Variants in TMIGD3 observed in about 807,000 individuals in gnomAD.
TMIGD3 encodes transmembrane and immunoglobulin domain containing 3, also known as AD026 protein (AD026).
In TMIGD3, 21 loss-of-function variants were observed where a neutral mutation model predicts 28.1. The ratio of observed to expected loss-of-function variants is 0.75; its 90% CI spans 0.53 to 1.08. The LOEUF (loss-of-function observed/expected upper bound fraction) is 1.08. Ranked by LOEUF, TMIGD3 falls within the 50% of genes least tolerant of loss-of-function variation. TMIGD3 has a pLI of 0.00. For synonymous variants in TMIGD3, 151 were observed against 162.1 expected (o/e 0.93, Z 0.52); for missense variants, 416 against 435.6 (o/e 0.96, Z 0.40).
At chr1:111,513,927 C>A (rs1173490683) in intron 1 of TMIGD3, among the ~76,000 whole-genome samples, 1 of 152,144 alleles carries the variant, frequency 6.6e-6, no homozygotes, top group Non-Finnish European at 1.5e-5. Context: ...AGTTGGGGTG[C>A]GGTTGCATGG....
intron 1 of TMIGD3, among the ~76,000 whole-genome samples, chr1:111,520,110 A>G (rs1426877639): frequency 6.6e-6 from 1 of 152,216 alleles, no homozygotes; most frequent in East Asian, 1.9e-4. Flanking sequence ...TCTTCAATGC[A>G]CAGTCAAAAA....
At chr1:111,549,514 G>T (rs561809135) in intron 1 of TMIGD3, among the ~76,000 whole-genome samples, 1 of 151,856 alleles carries the variant, frequency 6.6e-6, no homozygotes, top group East Asian at 1.9e-4. Flanking sequence ...ACCTGGTGTG[G>T]TGGCATGCGC....
At chr1:111,546,861 T>C (rs148286283) in intron 1 of TMIGD3, among the ~76,000 whole-genome samples, 1 of 152,218 alleles carries the variant, frequency 6.6e-6, no homozygotes, top group Non-Finnish European at 1.5e-5. Flanking sequence ...GTTTTCACAG[T>C]GGCTGCACCA....
chr1:111,511,172 C>T (rs1386971903), intron 1 of TMIGD3, among the ~76,000 whole-genome samples: 1 of 152,214 alleles, frequency 6.6e-6, no homozygotes, highest in African/African-American at 2.4e-5. Context: ...TCTCTTGGAG[C>T]ACTTACTACA....
upstream of TMIGD3, among the ~76,000 whole-genome samples, chr1:111,508,421 G>T (rs568845353): frequency 6.6e-6 from 1 of 152,328 alleles, no homozygotes; most frequent in African/African-American, 2.4e-5. Context: ...TTGTCACTCG[G>T]GACCCAGGCT....
intron 1 of TMIGD3, among the ~76,000 whole-genome samples, chr1:111,493,135 C>T (rs1654744077): frequency 6.6e-6 from 1 of 152,066 alleles, no homozygotes; most frequent in Admixed American, 6.6e-5. Flanking sequence ...TGATAACTAC[C>T]AAACAGGATA....
intron 1 of TMIGD3, chr1:111,499,591 C>T (rs367678763): frequency 9.4e-7 from 1 of 1,064,158 alleles, no homozygotes; most frequent in Non-Finnish European, 1.1e-6. Flanking sequence ...TGAGTCACCA[C>T]CACACACATG....
chr1:111,493,868 A>C lies in TMIGD3; in HGVS notation c.351-3106T>G, dbSNP rs575433693. Among the ~76,000 whole-genome samples, 13 of 152,330 alleles carry C rather than the reference A, an allele frequency of 8.5e-5. No homozygotes were observed. In the East Asian group the frequency reaches 1.9e-3, roughly 23 times the overall value. Reference sequence around the variant, plus strand: ...ACTGTAGAGCATATTAGAATTTACAAAGGGTCTTTAAAGATATCTGTCATC... The same window carrying C: ...ACTGTAGAGCATATTAGAATTTACACAGGGTCTTTAAAGATATCTGTCATC... On this transcript the variant is annotated intron_variant, in intron 1 of 5. Coordinates refer to ENST00000369716, the MANE Select transcript of TMIGD3 (RefSeq NM_020683.7).
chr1:111,532,322 A>C (rs1656485384), intron 1 of TMIGD3, among the ~76,000 whole-genome samples: 1 of 152,224 alleles, frequency 6.6e-6, no homozygotes, highest in Admixed American at 6.5e-5. Context: ...AGGAGATATG[A>C]AGATGGAACC....
At chr1:111,508,730 C>T (rs917207482) in intron 1 of TMIGD3, among the ~76,000 whole-genome samples, 4 of 152,216 alleles carry the variant, frequency 2.6e-5, no homozygotes, top group Admixed American at 2.6e-4. Context: ...CTCCCACAAT[C>T]AACTTTACTG....
intron 1 of TMIGD3, among the ~76,000 whole-genome samples, chr1:111,534,204 C>CATGGGT (rs1334745662): frequency 6.6e-6 from 1 of 152,164 alleles, no homozygotes; most frequent in Non-Finnish European, 1.5e-5. Context: ...ATGAACATAT[C>CATGGGT]ATGGGTATCT....
At chr1:111,535,300 G>T (rs958467275) in intron 1 of TMIGD3, among the ~76,000 whole-genome samples, 2 of 152,146 alleles carry the variant, frequency 1.3e-5, no homozygotes, top group Non-Finnish European at 2.9e-5. Flanking sequence ...TGTTGAAAGA[G>T]AAATCACAGA....
chr1:111,543,496 G>A (rs1284242466), intron 1 of TMIGD3, among the ~76,000 whole-genome samples: 5 of 152,134 alleles, frequency 3.3e-5, no homozygotes, highest in East Asian at 1.9e-4. Flanking sequence ...ACTCCCAATG[G>A]AGAGTATTCA....
At chr1:111,559,716 G>A (rs921155740) in intron 1 of TMIGD3, among the ~76,000 whole-genome samples, 3 of 152,206 alleles carry the variant, frequency 2.0e-5, no homozygotes, top group Middle Eastern at 3.4e-3. Context: ...CTGCCTTCCT[G>A]GTCTTAGGGA....
chr1:111,531,250 C>A (rs1334613871), intron 1 of TMIGD3, among the ~76,000 whole-genome samples: 2 of 151,838 alleles, frequency 1.3e-5, no homozygotes, highest in African/African-American at 4.8e-5. Flanking sequence ...TGAATTCCAG[C>A]CTGGGTGACA....
chr1:111,517,859 T>G (rs181017467), intron 1 of TMIGD3, among the ~76,000 whole-genome samples: 2 of 152,198 alleles, frequency 1.3e-5, no homozygotes, highest in Non-Finnish European at 2.9e-5. Flanking sequence ...ACTTCAGAGC[T>G]TCATATTAAA....
chr1:111,528,916 G>A (rs1362602929), intron 1 of TMIGD3, among the ~76,000 whole-genome samples: 6 of 151,728 alleles, frequency 4.0e-5, no homozygotes, highest in African/African-American at 1.5e-4. Flanking sequence ...GTTTTTTCCT[G>A]TTTATTCTTT....
upstream of TMIGD3, chr1:111,503,996 G>A: frequency 1.0e-6 from 1 of 985,428 alleles, no homozygotes; most frequent in Non-Finnish European, 1.2e-6. Flanking sequence ...AACGGGAGAA[G>A]CAGAGGAACA....
chr1:111,516,434 G>T (rs1248195258), intron 1 of TMIGD3, among the ~76,000 whole-genome samples: 1 of 152,156 alleles, frequency 6.6e-6, no homozygotes, highest in African/African-American at 2.4e-5. Flanking sequence ...GCAAACCACT[G>T]CCAAGACCCC....
Sources: allele counts gnomAD v4.1 joint callset (sites outside exome capture counted in the v4.1 genomes callset), GRCh38; gene constraint gnomAD v4.1.1; transcripts MANE v1.5; gene names NCBI Gene and HGNC (gene_info 2026-07-23, HGNC 2026-07-21).